The following MGAT5 variants were observed in gnomAD, a reference collection of about 807,000 sequenced individuals.
MGAT5 encodes the protein alpha-1,6-mannosylglycoprotein 6-beta-N-acetylglucosaminyltransferase A.
A neutral mutation model predicts 94.3 loss-of-function variants in MGAT5; 30 were observed. The ratio of observed to expected loss-of-function variants is 0.32; its 90% confidence interval spans 0.24 to 0.43. The LOEUF (loss-of-function observed/expected upper bound fraction) is 0.43. Ranked by LOEUF, MGAT5 falls within the 20% of genes least tolerant of loss-of-function variation. The probability of loss-of-function intolerance (pLI) is 1.00; values close to 1 mark genes in which losing one functional copy is unlikely to be tolerated. For missense variants in MGAT5, 691 were observed against 905.5 expected, an observed-to-expected ratio of 0.76 and a Z score of 3.04; for synonymous variants, 310 against 322.9, an observed-to-expected ratio of 0.96 and a Z score of 0.43.
chr2:134,213,060 T>C (rs1429856500), intron 1 of MGAT5, among the ~76,000 whole-genome samples: 1 of 152,176 alleles, frequency 6.6e-6, no homozygotes, highest in Non-Finnish European at 1.5e-5. Flanking sequence ...ATAGGCCTTT[T>C]GGATATTTGC....
intron 4 of MGAT5, among the ~76,000 whole-genome samples, chr2:134,331,352 C>T (rs1252895613): frequency 6.6e-6 from 1 of 152,014 alleles, no homozygotes; most frequent in Admixed American, 6.6e-5. Flanking sequence ...TTTTTGTTTT[C>T]TCTTCATTTT....
In MGAT5 at chr2:134,175,853, AT is replaced by A. The variant is rs780902566; in HGVS notation, c.-143+55563del. ...GGGTTGAGAGTGATGGATAGATGGC[AT>A]CTGTCAGGCAGGTGGAGGTGCTTCC... On this transcript the variant is annotated intron_variant, in intron 1 of 16. Coordinates refer to the MGAT5 transcript ENST00000409645. Among the ~76,000 whole-genome samples, 5 of 152,320 alleles carry A rather than the reference AT, an allele frequency of 3.3e-5. No homozygotes were observed. In the South Asian group the frequency reaches 1.0e-3, roughly 32 times the overall value.
intron 4 of MGAT5, among the ~76,000 whole-genome samples, chr2:134,321,902 A>C (rs1687346243): frequency 6.6e-6 from 1 of 152,194 alleles, no homozygotes. Flanking sequence ...TTTAATCTGA[A>C]TATAACCCTG....
At chr2:134,232,276 A>G (rs931411852) in intron 1 of MGAT5, among the ~76,000 whole-genome samples, 2 of 152,140 alleles carry the variant, frequency 1.3e-5, no homozygotes, top group Non-Finnish European at 2.9e-5. Context: ...CCCATCCTCT[A>G]CACAGCAGCC....
At chr2:134,142,116 G>A (rs1265252098) in intron 1 of MGAT5, among the ~76,000 whole-genome samples, 1 of 152,176 alleles carries the variant, frequency 6.6e-6, no homozygotes, top group African/African-American at 2.4e-5. Flanking sequence ...CTTAATTCTG[G>A]TCTTGCATAG....
Position 134,452,991 on chromosome 2 carries a change from T to C in MGAT5, c.*4144T>C, listed in dbSNP as rs190095207. The C allele has an allele frequency of 6.6e-6, 1 of 152,340 alleles. No homozygotes were observed. The highest frequency in any genetic ancestry group is 6.5e-5 in the Admixed American group (1 of 15,304). 9.4% of individuals were successfully genotyped at this position (152,340 alleles called of 1,614,324 possible). On this transcript the variant is annotated 3_prime_UTR_variant, in exon 16 of 16. Coordinates refer to ENST00000281923, the MANE Select transcript of MGAT5 (RefSeq NM_002410.5). ...AAAAGACCAAATTAGCTGTAGAGTC[T>C]TGAATGCAGAAAAAAATTACCCTAG...
Position 134,189,602 on chromosome 2 carries a change from G to GTTTTGTTTTGTT in MGAT5, c.-142-64656_-142-64655insGTTTTGTTTTTT, listed in dbSNP as rs1553490380. On this transcript the variant is annotated intron_variant, in intron 1 of 16. Coordinates refer to the MGAT5 transcript ENST00000409645. The stretch of plus-strand genomic sequence containing the variant: ...AACCTCATGGCTCTAGTTTTTTTTT[G>GTTTTGTTTTGTT]TTTTTTTTTTTTTTTTTTAAGACAG... Among the ~76,000 whole-genome samples, 51 of 84,648 alleles carry GTTTTGTTTTGTT rather than the reference G, an allele frequency of 6.0e-4. 2 individuals are homozygous for GTTTTGTTTTGTT. Among genetic ancestry groups the GTTTTGTTTTGTT allele is most frequent in the Non-Finnish European group, 6.7e-4 (29 of 43,578 alleles). 55.5% of individuals were successfully genotyped at this position (84,648 alleles called of 152,430 possible).
intron 1 of MGAT5, among the ~76,000 whole-genome samples, chr2:134,182,682 G>A (rs1022314415): frequency 4.6e-4 from 69 of 151,068 alleles, no homozygotes; most frequent in African/African-American, 1.6e-3. Flanking sequence ...CATCACAAGC[G>A]TACTTAATCA....
intron 10 of MGAT5, among the ~76,000 whole-genome samples, chr2:134,387,078 A>G (rs1362372930): frequency 1.3e-5 from 2 of 151,468 alleles, no homozygotes; most frequent in Admixed American, 6.6e-5. Context: ...CCTGACCAAC[A>G]TGGAGAAACC....
chr2:134,149,434 T>C (rs374130692), intron 1 of MGAT5, among the ~76,000 whole-genome samples: 1 of 147,764 alleles, frequency 6.8e-6, no homozygotes, highest in Non-Finnish European at 1.5e-5. Flanking sequence ...AAAAAAAAAA[T>C]CCCTGTGCAT....
At chr2:134,297,866 G>A (rs1296435545) in intron 2 of MGAT5, among the ~76,000 whole-genome samples, 1 of 151,942 alleles carries the variant, frequency 6.6e-6, no homozygotes, top group South Asian at 2.1e-4. Flanking sequence ...GAAGGGATTT[G>A]TTGTATCATT....
At chr2:134,271,158 T>A (rs963419773) in intron 2 of MGAT5, among the ~76,000 whole-genome samples, 1 of 152,110 alleles carries the variant, frequency 6.6e-6, no homozygotes. Context: ...CAAGGAAAAT[T>A]GACTAAAAAC....
chr2:134,351,791 A>G (rs971287244), intron 9 of MGAT5, among the ~76,000 whole-genome samples: 5 of 152,196 alleles, frequency 3.3e-5, no homozygotes, highest in Admixed American at 1.3e-4. Context: ...TAAGCAAATC[A>G]TGTCACAGAG....
At chr2:134,172,397 T>C (rs946263738) in intron 1 of MGAT5, among the ~76,000 whole-genome samples, 3 of 151,826 alleles carry the variant, frequency 2.0e-5, no homozygotes, top group African/African-American at 7.2e-5. Context: ...TTTTAATTAA[T>C]TATTTTTCAG....
chr2:134,372,833 A>T (rs1269648905), intron 10 of MGAT5, among the ~76,000 whole-genome samples: 2 of 152,206 alleles, frequency 1.3e-5, no homozygotes. Context: ...CAGCTGTGAG[A>T]AGAAAACATA....
chr2:134,337,621 CAG>C (rs1418376809), intron 5 of MGAT5, among the ~76,000 whole-genome samples: 1 of 152,080 alleles, frequency 6.6e-6, no homozygotes, highest in Non-Finnish European at 1.5e-5. Context: ...TCGTTGTATC[CAG>C]CTATATTATC....
chr2:134,172,426 T>C (rs552574896), intron 1 of MGAT5, among the ~76,000 whole-genome samples: 1 of 151,984 alleles, frequency 6.6e-6, no homozygotes, highest in African/African-American at 2.4e-5. Context: ...TTGCTCTGTC[T>C]CCCAGGCTGG....
At chr2:134,394,035 A>T (rs1480302143) in intron 10 of MGAT5, among the ~76,000 whole-genome samples, 1 of 152,182 alleles carries the variant, frequency 6.6e-6, no homozygotes, top group Admixed American at 6.5e-5. Context: ...GTACCATCCC[A>T]TAGAAGTGGG....
intron 10 of MGAT5, among the ~76,000 whole-genome samples, chr2:134,381,122 G>C (rs1160881048): frequency 6.6e-6 from 1 of 152,048 alleles, no homozygotes; most frequent in Non-Finnish European, 1.5e-5. Context: ...TGAACTCTTT[G>C]AATCATGGGA....
Sources: allele counts gnomAD v4.1 joint callset (sites outside exome capture counted in the v4.1 genomes callset), GRCh38; gene constraint gnomAD v4.1.1; transcripts MANE v1.5; gene names NCBI Gene and HGNC (gene_info 2026-07-23, HGNC 2026-07-21).